Variants in C8A observed in about 807,000 individuals in gnomAD.
The protein encoded by C8A is complement component C8 alpha chain.
C8A carries 67 observed loss-of-function variants against 65.3 expected under a neutral mutation model. That is an observed-to-expected ratio of 1.03 (90% CI 0.84 to 1.26). The LOEUF is 1.26. Among genes scored for constraint, C8A ranks in the 50% most tolerant of loss-of-function variants. The pLI is 0.00. For missense variants in C8A, 781 were observed against 723.9 expected (o/e 1.08, Z -0.90); for synonymous variants, 290 against 259.4 (o/e 1.12, Z -1.13).
Position 56,900,818 on chromosome 1 carries a change from C to T in C8A, c.1097-5849C>T, listed in dbSNP as rs372220547. Among the ~76,000 whole-genome samples the T allele has an allele frequency of 1.7e-3, 263 of 152,212 alleles. 2 individuals are homozygous for T. The highest frequency in any genetic ancestry group is 5.9e-3 in the African/African-American group (245 of 41,536). The stretch of plus-strand genomic sequence containing the variant: ...CAGGCTCTGTGCAGAGATTTGCAAA[C>T]CCGAGAGATGACTTAGAAGCTTGTA... On this transcript the variant is annotated intron_variant, in intron 7 of 10. Coordinates refer to ENST00000361249, the MANE Select transcript of C8A (RefSeq NM_000562.3).
At chr1:56,899,467 T>G (rs1205031792) in intron 7 of C8A, among the ~76,000 whole-genome samples, 5 of 152,168 alleles carry the variant, frequency 3.3e-5, no homozygotes, top group Admixed American at 6.5e-5. Context: ...TACTCCTTTC[T>G]AAAATGGGAC....
intron 7 of C8A, among the ~76,000 whole-genome samples, chr1:56,887,545 G>A (rs749116986): frequency 5.1e-4 from 78 of 152,144 alleles, no homozygotes; most frequent in Admixed American, 2.2e-3. Context: ...ACTTTTTGAT[G>A]GAATTGCTTT....
intron 10 of C8A, among the ~76,000 whole-genome samples, chr1:56,917,309 C>G (rs779892004): frequency 7.9e-5 from 12 of 152,220 alleles, no homozygotes; most frequent in Non-Finnish European, 1.2e-4. Context: ...CTGGACAGAG[C>G]CCCCAGGGGC....
chr1:56,877,328 C>T (rs1644207894), intron 4 of C8A, among the ~76,000 whole-genome samples: 1 of 152,102 alleles, frequency 6.6e-6, no homozygotes. Flanking sequence ...TTTGTAACAG[C>T]CCCCTCCCCT....
At chr1:56,908,398 T>C (rs904400365) in intron 9 of C8A, among the ~76,000 whole-genome samples, 1 of 152,196 alleles carries the variant, frequency 6.6e-6, no homozygotes, top group Non-Finnish European at 1.5e-5. Context: ...CAAATCATGA[T>C]TTTTATTTAT....
Position 56,867,609 on chromosome 1 carries a change from G to C in C8A, c.78G>C (p.Gln26His). ...PGVTAQEKVNQRVRRAATPAA... is the reference protein window; with the variant it reads ...PGVTAQEKVNHRVRRAATPAA... ...ATGCATGGATCTTCCCTTTCTTTAGGAGAGTAAGACGGGCAGCTACACCCG... is the reference window on the plus strand; with the variant it reads ...ATGCATGGATCTTCCCTTTCTTTAGCAGAGTAAGACGGGCAGCTACACCCG... Residue 26 changes from glutamine (Q) to histidine (H), a missense_variant and splice_region_variant, in exon 2 of 11, where the codon CAG (glutamine) becomes CAC (histidine). Physicochemically the swap from Gln to His is conservative, Grantham distance 24. Transcript: ENST00000361249. The C allele has an allele frequency of 6.2e-7, 1 of 1,611,942 alleles. No individual in the cohort carries two copies. The highest frequency in any genetic ancestry group is 8.5e-7 in the Non-Finnish European group (1 of 1,178,278).
intron 10 of C8A, among the ~76,000 whole-genome samples, chr1:56,913,253 A>G (rs1644524543): frequency 6.6e-6 from 1 of 152,184 alleles, no homozygotes; most frequent in Admixed American, 6.5e-5. Context: ...CAAAGATCCT[A>G]TTTCCAAATA....
At chr1:56,876,928 A>C (rs569249781) in intron 4 of C8A, among the ~76,000 whole-genome samples, 1 of 152,216 alleles carries the variant, frequency 6.6e-6, no homozygotes, top group South Asian at 2.1e-4. Flanking sequence ...CCCCACATTT[A>C]TGTGTTGAAG....
At chr1:56,892,146 G>A (rs942188894) in intron 7 of C8A, among the ~76,000 whole-genome samples, 1 of 151,978 alleles carries the variant, frequency 6.6e-6, no homozygotes, top group Non-Finnish European at 1.5e-5. Flanking sequence ...ATATGCCTGT[G>A]AACATCTCCA....
intron 1 of C8A, among the ~76,000 whole-genome samples, chr1:56,861,336 T>C (rs766449999): frequency 5.3e-5 from 8 of 152,124 alleles, no homozygotes; most frequent in Non-Finnish European, 1.0e-4. Context: ...CTTCAAAACA[T>C]GGCAGAGAAG....
chr1:56,912,740 T>C (rs623077), intron 10 of C8A, 115 bp downstream of exon 10: 773,072 of 876,308 alleles, frequency 0.88, 341,702 homozygotes, highest in South Asian at 0.97. Context: ...AGCCAATACC[T>C]AGGAGCCACC....
chr1:56,900,402 C>T (rs755414115), intron 7 of C8A, among the ~76,000 whole-genome samples: 22 of 152,236 alleles, frequency 1.4e-4, no homozygotes, highest in African/African-American at 4.8e-4. Context: ...CTTATAGAAA[C>T]AATTATCATT....
intron 7 of C8A, among the ~76,000 whole-genome samples, chr1:56,903,522 G>T (rs952952801): frequency 6.6e-6 from 1 of 152,136 alleles, no homozygotes; most frequent in African/African-American, 2.4e-5. Context: ...TAATACACTT[G>T]GTCAGTGTAT....
At chr1:56,916,323 G>A (rs1027978087) in intron 10 of C8A, among the ~76,000 whole-genome samples, 4 of 152,182 alleles carry the variant, frequency 2.6e-5, no homozygotes, top group African/African-American at 9.7e-5. Flanking sequence ...GGTGGCCTTG[G>A]GGCTGTCATA....
At chr1:56,914,893 G>T (rs565382291) in intron 10 of C8A, among the ~76,000 whole-genome samples, 1 of 152,088 alleles carries the variant, frequency 6.6e-6, no homozygotes, top group Non-Finnish European at 1.5e-5. Flanking sequence ...GGTCAGGCTG[G>T]TCTCGAACTC....
chr1:56,911,958 C>T (rs1644511004), intron 9 of C8A, among the ~76,000 whole-genome samples: 1 of 152,160 alleles, frequency 6.6e-6, no homozygotes, highest in South Asian at 2.1e-4. Context: ...ATTGGGAGTG[C>T]ACAGGTTTCA....
chr1:56,908,828 C>T (rs1644486341), intron 9 of C8A, among the ~76,000 whole-genome samples: 1 of 152,208 alleles, frequency 6.6e-6, no homozygotes, highest in Non-Finnish European at 1.5e-5. Flanking sequence ...GACTTCGTAT[C>T]CAGTTCTCAC....
chr1:56,908,637 G>A (rs1644484799), intron 9 of C8A, among the ~76,000 whole-genome samples: 1 of 152,144 alleles, frequency 6.6e-6, no homozygotes. Flanking sequence ...GTTGGACTTG[G>A]ACCCAGGCTG....
intron 1 of C8A, among the ~76,000 whole-genome samples, chr1:56,861,153 T>A (rs1248535132): frequency 6.6e-6 from 1 of 152,196 alleles, no homozygotes; most frequent in African/African-American, 2.4e-5. Context: ...ATTGAGCACC[T>A]ATTATATGCC....
Sources: allele counts gnomAD v4.1 joint callset (sites outside exome capture counted in the v4.1 genomes callset), GRCh38; gene constraint gnomAD v4.1.1; transcripts MANE v1.5; gene names NCBI Gene and HGNC (gene_info 2026-07-23, HGNC 2026-07-21).